DNAH5: variants seen among roughly 807,000 people sequenced by gnomAD.
DNAH5 encodes axonemal beta dynein heavy chain 5.
A neutral mutation model predicts 518.2 loss-of-function variants in DNAH5; 372 were observed. That is an observed-to-expected ratio of 0.72 (90% CI 0.66 to 0.78). DNAH5 has a LOEUF of 0.78. DNAH5 is among the 30% of genes least tolerant of loss of function. The pLI is 0.00. For missense variants in DNAH5, 5,523 were observed against 5,687.0 expected (o/e 0.97, Z 0.93); for synonymous variants, 2,039 against 2,025.9 (o/e 1.01, Z -0.17).
chr5:13,912,244 CCTT>C (rs982875983), intron 11 of DNAH5, among the ~76,000 whole-genome samples: 6 of 152,080 alleles, frequency 3.9e-5, no homozygotes, highest in African/African-American at 1.2e-4. Flanking sequence ...TATTGGGCCT[CCTT>C]CTTCTACAAT....
chr5:13,841,006 A>C lies in DNAH5; in HGVS notation c.5609T>G (p.Leu1870Trp). Residue 1870 changes from leucine (L) to tryptophan (W), a missense_variant, in exon 34 of 79, where the codon TTG (leucine) becomes TGG (tryptophan). This residue lies in a region of DNAH5 where 5,121 missense variants were observed against 5,223.3 expected (regional missense o/e 0.98). Coordinates refer to ENST00000265104, the MANE Select transcript of DNAH5 (RefSeq NM_001369.3). ...CAGATCCCTCGTGGTGACGTCTATC[A>C]ATGTATTGAGTAGCTCCAGGAAAGC... ...NQAFLELLNT[L>W]IDVTTRDLSS... 2.5e-6 allele frequency: 4 copies of C among 1,614,178 alleles called. No individual in the cohort carries two copies. The highest frequency in any genetic ancestry group is 3.4e-6 in the Non-Finnish European group (4 of 1,180,006).
chr5:13,791,349 A>G (rs1326757541), intron 50 of DNAH5, among the ~76,000 whole-genome samples: 2 of 152,232 alleles, frequency 1.3e-5, no homozygotes, highest in Non-Finnish European at 2.9e-5. Context: ...TTGGAACAAA[A>G]GCATACTGGA....
chr5:13,872,097 T>A (rs978196231), intron 22 of DNAH5, among the ~76,000 whole-genome samples: 2 of 152,166 alleles, frequency 1.3e-5, no homozygotes, highest in Non-Finnish European at 1.5e-5. Flanking sequence ...AAGCTCACAC[T>A]ACAGGGAAGG....
At chr5:13,861,754 T>C (rs1316829961) in intron 29 of DNAH5, among the ~76,000 whole-genome samples, 2 of 151,872 alleles carry the variant, frequency 1.3e-5, no homozygotes, top group Admixed American at 1.3e-4. Flanking sequence ...ACCAGGAGTT[T>C]GAGACCAGCC....
chr5:13,832,153 G>GA (rs111572803), intron 35 of DNAH5, among the ~76,000 whole-genome samples: 4,642 of 149,954 alleles, frequency 0.031, 229 homozygotes, highest in African/African-American at 0.11. Flanking sequence ...ATTAAAAACT[G>GA]AAAAAAAAAG....
At chr5:13,730,146 C>G (rs180976515) in intron 68 of DNAH5, among the ~76,000 whole-genome samples, 1 of 152,282 alleles carries the variant, frequency 6.6e-6, no homozygotes, top group East Asian at 1.9e-4. Flanking sequence ...TGGTTATACC[C>G]TAAGCTAACC....
chr5:13,927,373 T>C (rs1777994129), intron 3 of DNAH5, among the ~76,000 whole-genome samples: 1 of 151,988 alleles, frequency 6.6e-6, no homozygotes, highest in African/African-American at 2.4e-5. Flanking sequence ...GCACCTGTAG[T>C]CCCAGCTACA....
chr5:13,713,462 T>TACATCGAC (rs1181393642), intron 75 of DNAH5, among the ~76,000 whole-genome samples: 1 of 125,842 alleles, frequency 7.9e-6, no homozygotes, highest in Non-Finnish European at 1.6e-5. Context: ...TATATATATA[T>TACATCGAC]ATATACACAC....
chr5:13,736,764 T>C (rs1218563174), intron 66 of DNAH5, among the ~76,000 whole-genome samples: 1 of 152,252 alleles, frequency 6.6e-6, no homozygotes, highest in East Asian at 1.9e-4. Context: ...TACTAAAAGA[T>C]AGCCGATCCA....
chr5:13,708,476 GAAA>G, intron 75 of DNAH5, 141 bp from the exon 76 acceptor site: 1 of 622,728 alleles, frequency 1.6e-6, no homozygotes, highest in Non-Finnish European at 2.6e-6. Context: ...ATGGCAAAAA[GAAA>G]AAAAAAAAGA....
Position 13,817,614 on chromosome 5 carries a change from C to T in DNAH5, c.6922G>A (p.Ala2308Thr). ...ATCCCATCAGTCCAGTCATTTGTGG[C>T]AACGTCCAGCCGACCAAACATCTGT... ...APQMFGRLDV[A>T]TNDWTDGIFS... Residue 2308 changes from alanine to threonine, a missense_variant, in exon 42 of 79, where the codon GCC becomes ACC. Coordinates refer to ENST00000265104, the MANE Select transcript of DNAH5 (RefSeq NM_001369.3). 1 of 1,614,184 alleles carries T rather than the reference C, an allele frequency of 6.2e-7. No homozygotes were observed. Among genetic ancestry groups the T allele is most frequent in the East Asian group, 2.2e-5 (1 of 44,886 alleles).
intron 52 of DNAH5, among the ~76,000 whole-genome samples, chr5:13,783,001 C>T (rs1755422816): frequency 2.0e-5 from 3 of 152,160 alleles, no homozygotes; most frequent in African/African-American, 7.2e-5. Flanking sequence ...GGGTCATGAG[C>T]CATGGTGAGC....
In DNAH5 at chr5:13,820,585, G is replaced by A. The variant is rs28390133; in HGVS notation, c.6688-86C>T. 3.9e-4 allele frequency: 592 copies of A among 1,512,520 alleles called. 2 individuals carry two copies. In the African/African-American group the frequency reaches 7.0e-3, roughly 18 times the overall value. 93.7% of individuals were successfully genotyped at this position (1,512,520 alleles called of 1,614,324 possible). ...CACGCCTGTAATCCCAACAATTTGGGAGGCCGAGGCGGGCAGATCACAAGG... is the reference window on the plus strand; with the variant it reads ...CACGCCTGTAATCCCAACAATTTGGAAGGCCGAGGCGGGCAGATCACAAGG... On this transcript the variant is annotated intron_variant, in intron 40 of 78. Transcript: ENST00000265104.
At chr5:14,007,774 T>G (rs1429552959) in intron 1 of DNAH5, among the ~76,000 whole-genome samples, 1 of 152,156 alleles carries the variant, frequency 6.6e-6, no homozygotes, top group African/African-American at 2.4e-5. Flanking sequence ...TCATCTCATT[T>G]GGTCCTCACA....
intron 17 of DNAH5, among the ~76,000 whole-genome samples, chr5:13,889,665 G>A (rs180713629): frequency 9.0e-4 from 137 of 152,296 alleles, no homozygotes; most frequent in South Asian, 3.7e-3. Flanking sequence ...CAGAGTGTGT[G>A]ACCAGACCCA....
Position 13,850,630 on chromosome 5 carries a change from T to G in DNAH5, c.5114+22A>C, listed in dbSNP as rs4701988. The G allele has an allele frequency of 4.3e-6, 7 of 1,610,884 alleles. 1 individual carries two copies. In the African/African-American group the frequency reaches 9.4e-5, roughly 22 times the overall value. Reference sequence around the variant, plus strand: ...TTTTGTCTCAAGGATACCGAGAGCTTTCAAAGAGCCAGTGAACTTACCCAG... The same window carrying G: ...TTTTGTCTCAAGGATACCGAGAGCTGTCAAAGAGCCAGTGAACTTACCCAG... On this transcript the variant is annotated intron_variant, in intron 31 of 78. Transcript: ENST00000265104.
intron 31 of DNAH5, among the ~76,000 whole-genome samples, chr5:13,847,435 G>A (rs966056360): frequency 2.0e-5 from 3 of 149,914 alleles, no homozygotes; most frequent in Non-Finnish European, 4.4e-5. Context: ...TAAAAAAAAA[G>A]AAAAATAGGC....
At position 13,911,931 on chromosome 5, in the gene DNAH5, T is replaced by C. The variant is rs192845088; in HGVS notation, c.1537-438A>G. On this transcript the variant is annotated intron_variant, in intron 11 of 78. Coordinates refer to ENST00000265104, the MANE Select transcript of DNAH5 (RefSeq NM_001369.3). ...AACAATATAGGAAGAAAATAAATGA[T>C]GTTATATCTACAGATGAGTTACTAC... Among the ~76,000 whole-genome samples the C allele has an allele frequency of 2.8e-3, 430 of 152,250 alleles. 2 individuals carry two copies. The highest frequency in any genetic ancestry group is 0.014 in the Middle Eastern group (4 of 294).
chr5:13,724,442 G>A (rs140905001), intron 70 of DNAH5, among the ~76,000 whole-genome samples: 1 of 152,302 alleles, frequency 6.6e-6, no homozygotes, highest in East Asian at 1.9e-4. Flanking sequence ...GCTCACAGGT[G>A]GGAGGAGATG....
Sources: allele counts gnomAD v4.1 joint callset (sites outside exome capture counted in the v4.1 genomes callset), GRCh38; gene constraint gnomAD v4.1.1; regional missense constraint gnomAD v4.1.1; transcripts MANE v1.5; gene names NCBI Gene and HGNC (gene_info 2026-07-23, HGNC 2026-07-21).